The following TBC1D5 variants were observed in gnomAD, a reference collection of about 807,000 sequenced individuals.
TBC1D5 encodes the protein TBC1 domain family member 5.
In TBC1D5, 75 loss-of-function variants were observed where a neutral mutation model predicts 100.3. The observed-to-expected ratio is 0.75, with a 90% CI of 0.62 to 0.91. The LOEUF (loss-of-function observed/expected upper bound fraction) is 0.91, where lower values mean the gene tolerates loss of function less well. Among genes scored for constraint, TBC1D5 ranks in the 40% least tolerant of loss-of-function variants. TBC1D5 has a pLI of 0.00. For synonymous variants in TBC1D5, 323 were observed against 325.6 expected (o/e 0.99, Z 0.09); for missense variants, 910 against 942.4 (o/e 0.97, Z 0.45).
chr3:17,357,120 G>T (rs1272887400), intron 13 of TBC1D5, among the ~76,000 whole-genome samples: 2 of 152,098 alleles, frequency 1.3e-5, no homozygotes, highest in Non-Finnish European at 2.9e-5. Flanking sequence ...CTTACCACCA[G>T]CAGAAAGCAC....
chr3:17,616,176 G>T (rs539427740), intron 2 of TBC1D5, among the ~76,000 whole-genome samples: 8 of 152,278 alleles, frequency 5.3e-5, no homozygotes, highest in Non-Finnish European at 1.2e-4. Flanking sequence ...AAATTGTTCA[G>T]TTTCCATGTA....
At chr3:17,691,822 T>A (rs1199144467) in intron 1 of TBC1D5, among the ~76,000 whole-genome samples, 1 of 138,694 alleles carries the variant, frequency 7.2e-6, no homozygotes, top group East Asian at 2.1e-4. Flanking sequence ...AGACTCCGTC[T>A]CAACAAAAAA....
intron 2 of TBC1D5, among the ~76,000 whole-genome samples, chr3:17,526,496 C>T (rs1016838799): frequency 6.6e-6 from 1 of 152,172 alleles, no homozygotes; most frequent in African/African-American, 2.4e-5. Flanking sequence ...GGCCCAGAAT[C>T]TACTACTATT....
At chr3:17,640,216 T>C (rs914458259) in intron 1 of TBC1D5, among the ~76,000 whole-genome samples, 4 of 152,180 alleles carry the variant, frequency 2.6e-5, no homozygotes, top group Non-Finnish European at 5.9e-5. Flanking sequence ...ACATTCTTAT[T>C]AAATCAGGTG....
At chr3:17,578,233 A>G (rs2096669829) in intron 2 of TBC1D5, among the ~76,000 whole-genome samples, 1 of 152,040 alleles carries the variant, frequency 6.6e-6, no homozygotes, top group African/African-American at 2.4e-5. Context: ...AAACCTGGCT[A>G]AGATCATGGG....
chr3:17,439,313 A>C (rs2094595169), intron 3 of TBC1D5, among the ~76,000 whole-genome samples: 1 of 152,198 alleles, frequency 6.6e-6, no homozygotes, highest in Admixed American at 6.5e-5. Context: ...ATTGTGAACC[A>C]GGGTAGCTGA....
chr3:17,446,524 T>G (rs896803942), intron 3 of TBC1D5, among the ~76,000 whole-genome samples: 3 of 152,008 alleles, frequency 2.0e-5, no homozygotes, highest in Non-Finnish European at 4.4e-5. Flanking sequence ...TTGGACAAGC[T>G]GAGTCAGAAC....
chr3:17,591,654 G>C (rs894588278), intron 2 of TBC1D5, among the ~76,000 whole-genome samples: 2 of 152,130 alleles, frequency 1.3e-5, no homozygotes, highest in Non-Finnish European at 2.9e-5. Context: ...CCCTGACTCA[G>C]CCAATGGTCA....
chr3:17,694,997 A>G (rs2153836214), intron 1 of TBC1D5, among the ~76,000 whole-genome samples: 1 of 152,202 alleles, frequency 6.6e-6, no homozygotes, highest in South Asian at 2.1e-4. Flanking sequence ...AGCCAAACTA[A>G]GCTTCATAAA....
intron 13 of TBC1D5, among the ~76,000 whole-genome samples, chr3:17,331,334 G>C (rs1263755335): frequency 6.6e-6 from 1 of 152,062 alleles, no homozygotes; most frequent in East Asian, 1.9e-4. Context: ...TTAATCTTTT[G>C]CACTCCTTAC....
At chr3:17,596,234 G>C (rs2060554297) in intron 2 of TBC1D5, among the ~76,000 whole-genome samples, 1 of 151,620 alleles carries the variant, frequency 6.6e-6, no homozygotes, top group Admixed American at 6.6e-5. Context: ...CACTTGAGAA[G>C]CTTATTAAAA....
chr3:17,461,896 T>G (rs927787898), intron 3 of TBC1D5, among the ~76,000 whole-genome samples: 2 of 152,178 alleles, frequency 1.3e-5, no homozygotes, highest in African/African-American at 4.8e-5. Flanking sequence ...TGTCTTTTAC[T>G]GCTTCTAAGA....
In TBC1D5 at chr3:17,715,234, A is replaced by G. The variant is rs143236898; in HGVS notation, c.-101+24109T>C. On this transcript the variant is annotated intron_variant, in intron 1 of 21. Coordinates refer to ENST00000253692, the Ensembl canonical transcript of TBC1D5. ...CTCAAGTTCCTGTGAAATTACTTCC[A>G]TAACACAGAACTTACCTGGGTCCAA... Among the ~76,000 whole-genome samples the G allele has an allele frequency of 4.3e-4, 66 of 152,330 alleles. No homozygotes were observed. The East Asian group carries it at 0.013, about 29-fold the overall frequency.
At chr3:17,715,976 C>T (rs950418013) in intron 1 of TBC1D5, among the ~76,000 whole-genome samples, 5 of 150,204 alleles carry the variant, frequency 3.3e-5, no homozygotes, top group South Asian at 2.2e-4. Context: ...CACTTGAATC[C>T]GGGAGGCGGA....
At chr3:17,602,561 A>ATTTTTTTTTTTTTTTTTTT (rs33956978) in intron 2 of TBC1D5, among the ~76,000 whole-genome samples, 11 of 74,516 alleles carry the variant, frequency 1.5e-4, no homozygotes, top group East Asian at 1.2e-3. Flanking sequence ...AGAGAATCAG[A>ATTTTTTTTTTTTTTTTTTT]TTTTTTTTTT....
intron 13 of TBC1D5, among the ~76,000 whole-genome samples, chr3:17,370,430 C>T (rs941190386): frequency 1.1e-4 from 17 of 152,114 alleles, no homozygotes; most frequent in South Asian, 1.0e-3. Flanking sequence ...GTTACTAGCT[C>T]TTTCAAATAA....
At chr3:17,204,009 C>A (rs1230361851) in intron 18 of TBC1D5, among the ~76,000 whole-genome samples, 1 of 152,202 alleles carries the variant, frequency 6.6e-6, no homozygotes, top group Non-Finnish European at 1.5e-5. Context: ...ACAGATCCCC[C>A]CTTTATCAAC....
intron 1 of TBC1D5, among the ~76,000 whole-genome samples, chr3:17,697,537 C>T (rs1256795090): frequency 6.6e-6 from 1 of 152,150 alleles, no homozygotes; most frequent in African/African-American, 2.4e-5. Context: ...GCCTAAGAAT[C>T]CAACTTACAA....
chr3:17,650,732 G>T (rs762135987), intron 1 of TBC1D5, among the ~76,000 whole-genome samples: 1 of 152,040 alleles, frequency 6.6e-6, no homozygotes, highest in Non-Finnish European at 1.5e-5. Context: ...TTTTTCTGAG[G>T]GATCATCTTT....
Sources: allele counts gnomAD v4.1 joint callset (sites outside exome capture counted in the v4.1 genomes callset), GRCh38; gene constraint gnomAD v4.1.1; transcripts MANE v1.5; gene names NCBI Gene and HGNC (gene_info 2026-07-23, HGNC 2026-07-21).